The following PRKCB variants were observed in gnomAD, a reference collection of about 807,000 sequenced individuals.
The protein encoded by PRKCB is protein kinase C beta, also known as protein kinase C beta type.
A neutral mutation model predicts 81.5 loss-of-function variants in PRKCB; 13 were observed. The ratio of observed to expected loss-of-function variants is 0.16; its 90% CI spans 0.10 to 0.25. The LOEUF is 0.25. Ranked by LOEUF, PRKCB falls within the 10% of genes least tolerant of loss-of-function variation. The probability of loss-of-function intolerance (pLI) is 1.00; values close to 1 mark genes in which losing one functional copy is unlikely to be tolerated. For synonymous variants in PRKCB, 335 were observed against 321.4 expected (o/e 1.04, Z -0.45); for missense variants, 509 against 875.7 (o/e 0.58, Z 5.29).
rs3785379 is a variant in PRKCB, at chr16:24,215,613, G to T, written c.*797G>T. On this transcript the variant is annotated 3_prime_UTR_variant, in exon 17 of 17. Coordinates refer to ENST00000643927, the MANE Select transcript of PRKCB (RefSeq NM_002738.7). ...CATTTCAAACTTTATTTGCTTTGGG[G>T]TTTTGTTTCTGTTGTTGTTCAAATG... 931 of 984,282 alleles carry T rather than the reference G, an allele frequency of 9.5e-4. 8 individuals are homozygous for T. The African/African-American group carries it at 0.015, about 16-fold the overall frequency. The allele number at this position is 984,282 out of a possible 1,614,324, so 61.0% of individuals were successfully genotyped here.
In PRKCB at chr16:24,217,814, T is replaced by G. The variant is rs2141997762; in HGVS notation, c.*2998T>G. ...TCTTCTAGCTCCAAATATACCTGCC[T>G]TTTAGCTCACACACTGTCCTGGAGT... On this transcript the variant is annotated 3_prime_UTR_variant, in exon 17 of 17. Coordinates refer to ENST00000643927, the MANE Select transcript of PRKCB (RefSeq NM_002738.7). The G allele has an allele frequency of 1.0e-6, 1 of 985,412 alleles. No individual in the cohort carries two copies. 61.0% of individuals were successfully genotyped at this position (985,412 alleles called of 1,614,324 possible). A position where few individuals can be genotyped will look rare whatever the true frequency, so the allele number is the denominator to read the frequency against.
chr16:24,129,557 A>G (rs917402623), intron 9 of PRKCB, among the ~76,000 whole-genome samples: 2 of 151,820 alleles, frequency 1.3e-5, no homozygotes, highest in Non-Finnish European at 2.9e-5. Flanking sequence ...CCATCTGTCT[A>G]TCTAATCTAT....
chr16:24,186,553 C>A (rs1043830200), intron 15 of PRKCB, among the ~76,000 whole-genome samples: 1 of 152,260 alleles, frequency 6.6e-6, no homozygotes, highest in Admixed American at 6.5e-5. Flanking sequence ...GTGCCTTAAT[C>A]AGTGGGTTCC....
chr16:24,182,346 C>G (rs1466460208), intron 13 of PRKCB, among the ~76,000 whole-genome samples: 1 of 151,994 alleles, frequency 6.6e-6, no homozygotes, highest in Admixed American at 6.6e-5. Context: ...TAGTGAGACC[C>G]TAATCTCTAC....
At chr16:24,056,229 C>T (rs1965901168) in intron 5 of PRKCB, among the ~76,000 whole-genome samples, 2 of 152,376 alleles carry the variant, frequency 1.3e-5, no homozygotes, top group African/African-American at 4.8e-5. Context: ...GCCATGATTT[C>T]CCCAGCTTCC....
chr16:24,043,939 C>A (rs1304800721), intron 5 of PRKCB, among the ~76,000 whole-genome samples: 2 of 152,116 alleles, frequency 1.3e-5, no homozygotes, highest in Admixed American at 1.3e-4. Context: ...AAATGAAACA[C>A]CAGCGTGCAA....
intron 2 of PRKCB, among the ~76,000 whole-genome samples, chr16:23,961,319 G>GT (rs1964423452): frequency 1.3e-5 from 2 of 152,162 alleles, no homozygotes; most frequent in Non-Finnish European, 2.9e-5. Flanking sequence ...CAAAATGTAA[G>GT]TTATTGGATC....
intron 16 of PRKCB, among the ~76,000 whole-genome samples, chr16:24,198,120 A>T (rs2141984558): frequency 6.6e-6 from 1 of 152,302 alleles, no homozygotes; most frequent in East Asian, 1.9e-4. Flanking sequence ...AATTTTGCTG[A>T]CTTGTAGCAA....
At chr16:23,927,777 C>T (rs1005030362) in intron 2 of PRKCB, among the ~76,000 whole-genome samples, 1 of 151,902 alleles carries the variant, frequency 6.6e-6, no homozygotes, top group African/African-American at 2.4e-5. Flanking sequence ...GTACTAGGTG[C>T]GCTGGTGGTG....
intron 2 of PRKCB, among the ~76,000 whole-genome samples, chr16:23,862,150 T>C (rs529884604): frequency 6.6e-6 from 1 of 152,240 alleles, no homozygotes; most frequent in Non-Finnish European, 1.5e-5. Context: ...TCTGGATTCA[T>C]TCGTATTTCT....
In PRKCB at chr16:24,218,508, C is replaced by T; in HGVS notation, c.*3692C>T. 1 of 985,420 alleles carries T rather than the reference C, an allele frequency of 1.0e-6. No individual in the cohort carries two copies. The highest frequency in any genetic ancestry group is 1.2e-6 in the Non-Finnish European group (1 of 829,924). The allele number at this position is 985,420 out of a possible 1,614,324, so 61.0% of individuals were successfully genotyped here. ...CGTGTGCTCCTGAGTTCAGTGTGCC[C>T]ACCTCACTCCCACACCCTCACATAG... is the stretch of plus-strand genomic sequence containing the variant. On this transcript the variant is annotated 3_prime_UTR_variant, in exon 17 of 17. Transcript: ENST00000643927.
chr16:24,181,485 G>A (rs1277892685), intron 13 of PRKCB, among the ~76,000 whole-genome samples: 1 of 152,044 alleles, frequency 6.6e-6, no homozygotes, highest in African/African-American at 2.4e-5. Context: ...ACAAATACAA[G>A]GCCAGGTGTG....
chr16:24,140,651 T>C (rs1194890677), intron 9 of PRKCB, among the ~76,000 whole-genome samples: 1 of 152,134 alleles, frequency 6.6e-6, no homozygotes, highest in Non-Finnish European at 1.5e-5. Flanking sequence ...ACGTCGGGGC[T>C]GTCCAGTAGT....
intron 2 of PRKCB, among the ~76,000 whole-genome samples, chr16:23,924,304 C>T (rs943145710): frequency 3.9e-5 from 6 of 152,006 alleles, no homozygotes; most frequent in Non-Finnish European, 7.4e-5. Flanking sequence ...CCCAACCATG[C>T]GGAACTGTGA....
intron 2 of PRKCB, among the ~76,000 whole-genome samples, chr16:23,908,706 A>G (rs1161805355): frequency 1.3e-5 from 2 of 148,370 alleles, no homozygotes; most frequent in African/African-American, 2.5e-5. Flanking sequence ...TTTTTTTTGT[A>G]TTTTTAGTAG....
chr16:23,944,925 G>A (rs1964184916), intron 2 of PRKCB, among the ~76,000 whole-genome samples: 3 of 152,174 alleles, frequency 2.0e-5, no homozygotes, highest in Admixed American at 1.3e-4. Flanking sequence ...GAAACAATGA[G>A]GGGAGAGAAT....
At position 24,187,248 on chromosome 16, in the gene PRKCB, G is replaced by A. The variant is rs754093948; in HGVS notation, c.1722+1681G>A. 2.0e-5 allele frequency among the ~76,000 whole-genome samples: 3 copies of A among 152,228 alleles called. No individual in the cohort carries two copies. In the South Asian group the frequency reaches 6.2e-4, roughly 32 times the overall value. On this transcript the variant is annotated intron_variant, in intron 15 of 16. Transcript: ENST00000643927. The stretch of plus-strand genomic sequence containing the variant: ...ACCAGTCAGCTGGATTGGAAACCAT[G>A]GCCCTCTGTAGTTGGAGCTTGCCCT...
intron 2 of PRKCB, among the ~76,000 whole-genome samples, chr16:23,947,518 A>T (rs1261542271): frequency 6.6e-6 from 1 of 152,028 alleles, no homozygotes; most frequent in Non-Finnish European, 1.5e-5. Flanking sequence ...GTCACTTTCT[A>T]GTTTAGGCAT....
At chr16:23,960,027 G>A (rs879681763) in intron 2 of PRKCB, among the ~76,000 whole-genome samples, 36 of 152,120 alleles carry the variant, frequency 2.4e-4, no homozygotes, top group Admixed American at 3.9e-4. Context: ...TTGCTCTGCC[G>A]TAGTCCATTC....
Sources: allele counts gnomAD v4.1 joint callset (sites outside exome capture counted in the v4.1 genomes callset), GRCh38; gene constraint gnomAD v4.1.1; transcripts MANE v1.5; gene names NCBI Gene and HGNC (gene_info 2026-07-23, HGNC 2026-07-21).